The following CFAP299 variants were observed in gnomAD, a reference collection of about 807,000 sequenced individuals.
The protein encoded by CFAP299 is cilia- and flagella-associated protein 299.
A neutral mutation model predicts 27.0 loss-of-function variants in CFAP299; 21 were observed. The ratio of observed to expected loss-of-function variants is 0.78; its 90% confidence interval spans 0.55 to 1.12. The LOEUF (loss-of-function observed/expected upper bound fraction) is 1.12, where lower values mean the gene tolerates loss of function less well. Among genes scored for constraint, CFAP299 ranks in the 50% most tolerant of loss-of-function variants. The pLI, the probability that CFAP299 is intolerant of heterozygous loss-of-function variation, is 0.00. For missense variants in CFAP299, 310 were observed against 276.6 expected (o/e 1.12, Z -0.86); for synonymous variants, 104 against 98.1 (o/e 1.06, Z -0.36).
At chr4:80,421,355 A>T (rs1727277846) in intron 2 of CFAP299, among the ~76,000 whole-genome samples, 1 of 152,244 alleles carries the variant, frequency 6.6e-6, no homozygotes, top group African/African-American at 2.4e-5. Context: ...AACTTCTCTT[A>T]AGCATTTGTG....
chr4:80,603,487 G>C (rs1327693364), intron 3 of CFAP299, among the ~76,000 whole-genome samples: 2 of 152,230 alleles, frequency 1.3e-5, no homozygotes, highest in East Asian at 1.9e-4. Flanking sequence ...TGAGTGCTGA[G>C]AGTCAGAGAT....
At chr4:80,405,644 T>C (rs1206146811) in intron 2 of CFAP299, among the ~76,000 whole-genome samples, 2 of 151,988 alleles carry the variant, frequency 1.3e-5, no homozygotes, top group African/African-American at 2.4e-5. Flanking sequence ...TATATTAGTA[T>C]ATATACTAAT....
chr4:80,783,974 A>G (rs1200443313), intron 3 of CFAP299, among the ~76,000 whole-genome samples: 2 of 151,672 alleles, frequency 1.3e-5, no homozygotes, highest in Non-Finnish European at 2.9e-5. Context: ...GATTCTACAT[A>G]TAAATGAGAT....
intron 2 of CFAP299, among the ~76,000 whole-genome samples, chr4:80,574,101 T>G (rs1319932879): frequency 6.6e-6 from 1 of 152,144 alleles, no homozygotes; most frequent in African/African-American, 2.4e-5. Context: ...CATGGTATAT[T>G]GTCCCATTTT....
At chr4:80,545,116 G>GAAAT (rs70944790) in intron 2 of CFAP299, among the ~76,000 whole-genome samples, 55,411 of 151,770 alleles carry the variant, frequency 0.37, 12,925 homozygotes, top group African/African-American at 0.67. Flanking sequence ...TTTTGGGTAA[G>GAAAT]AAAATTAACA....
intron 4 of CFAP299, among the ~76,000 whole-genome samples, chr4:80,895,180 A>G (rs1046401383): frequency 2.2e-5 from 3 of 137,268 alleles, no homozygotes; most frequent in African/African-American, 3.5e-5. Context: ...CCACACACAC[A>G]CACACACACA....
At chr4:80,449,592 T>C (rs927327194) in intron 2 of CFAP299, among the ~76,000 whole-genome samples, 7 of 151,818 alleles carry the variant, frequency 4.6e-5, no homozygotes, top group Non-Finnish European at 8.8e-5. Context: ...AAGAATTTCA[T>C]TCTTAAAAAA....
chr4:80,894,224 C>T (rs1426004701), intron 4 of CFAP299, among the ~76,000 whole-genome samples: 1 of 151,858 alleles, frequency 6.6e-6, no homozygotes, highest in East Asian at 1.9e-4. Flanking sequence ...TTTTTCTTTA[C>T]AGGGATGTAA....
At chr4:80,415,129 A>C (rs1479785723) in intron 2 of CFAP299, among the ~76,000 whole-genome samples, 4 of 152,232 alleles carry the variant, frequency 2.6e-5, no homozygotes, top group Non-Finnish European at 5.9e-5. Context: ...AATTAAGTCA[A>C]CTTAAAAAAT....
At chr4:80,604,076 A>G (rs960868359) in intron 3 of CFAP299, among the ~76,000 whole-genome samples, 2 of 152,172 alleles carry the variant, frequency 1.3e-5, no homozygotes, top group African/African-American at 4.8e-5. Context: ...TGTTGAAACC[A>G]TTATCCTTAC....
intron 1 of CFAP299, among the ~76,000 whole-genome samples, chr4:80,351,982 T>C (rs1475736578): frequency 1.3e-5 from 2 of 151,538 alleles, no homozygotes; most frequent in Non-Finnish European, 2.9e-5. Context: ...ATATGTATTA[T>C]ACAAGCATAA....
intron 3 of CFAP299, among the ~76,000 whole-genome samples, chr4:80,716,845 T>C (rs1459140969): frequency 6.6e-6 from 1 of 152,080 alleles, no homozygotes. Context: ...TGATCTCTGA[T>C]GGTCTGTGGT....
intron 4 of CFAP299, among the ~76,000 whole-genome samples, chr4:80,920,916 C>A (rs1238282406): frequency 6.6e-6 from 1 of 152,284 alleles, no homozygotes; most frequent in African/African-American, 2.4e-5. Context: ...TTACTCAACA[C>A]AGTACTTGTG....
chr4:80,476,915 G>A (rs891939633), intron 2 of CFAP299, among the ~76,000 whole-genome samples: 3 of 151,342 alleles, frequency 2.0e-5, no homozygotes, highest in Non-Finnish European at 4.4e-5. Flanking sequence ...CCTGGAGCCT[G>A]CTTTTCTCAG....
chr4:80,819,779 T>C (rs551185780), intron 3 of CFAP299, among the ~76,000 whole-genome samples: 67 of 152,258 alleles, frequency 4.4e-4, no homozygotes, highest in African/African-American at 1.5e-3. Flanking sequence ...AATATAAGAC[T>C]GAAAAAACAG....
rs909907713 is a variant in CFAP299, at chr4:80,608,445, A to G, written c.333+25262A>G. On this transcript the variant is annotated intron_variant, in intron 3 of 5. Transcript: ENST00000358105. ...TAGAAAAACATTTTGGCTTCATCCT[A>G]CATATATACTCCACTCCAAGGGCTA... 23 of 976,158 alleles carry G rather than the reference A, an allele frequency of 2.4e-5. No individual in the cohort carries two copies. The East Asian group carries it at 5.2e-4, about 22-fold the overall frequency. 60.5% of individuals were successfully genotyped at this position (976,158 alleles called of 1,614,324 possible).
chr4:80,774,541 A>T (rs956706599), intron 3 of CFAP299, among the ~76,000 whole-genome samples: 1 of 151,988 alleles, frequency 6.6e-6, no homozygotes, highest in Non-Finnish European at 1.5e-5. Flanking sequence ...CAATTCACAG[A>T]AGAATTAGAA....
chr4:80,598,938 C>T (rs1229743738), intron 3 of CFAP299, among the ~76,000 whole-genome samples: 1 of 152,124 alleles, frequency 6.6e-6, no homozygotes, highest in Non-Finnish European at 1.5e-5. Context: ...AAATCACTTC[C>T]AGTATAGAGT....
chr4:80,898,894 A>C (rs1019994272), intron 4 of CFAP299, among the ~76,000 whole-genome samples: 1 of 152,210 alleles, frequency 6.6e-6, no homozygotes, highest in Non-Finnish European at 1.5e-5. Context: ...CAAAATAATC[A>C]AGAACAGCTT....
Sources: gnomAD v4.1 joint callset for allele counts (sites outside exome capture counted in the v4.1 genomes callset) on GRCh38, gnomAD v4.1.1 for gene constraint, MANE v1.5 for transcripts, NCBI Gene and HGNC (gene_info 2026-07-23, HGNC 2026-07-21) for gene names.